The following SVIL variants were observed in gnomAD, a reference collection of about 807,000 sequenced individuals.
SVIL encodes archvillin.
A neutral mutation model predicts 240.4 loss-of-function variants in SVIL; 101 were observed. That is an observed-to-expected ratio of 0.42 (90% confidence interval 0.36 to 0.50). The LOEUF (loss-of-function observed/expected upper bound fraction) is 0.50. Ranked by LOEUF, SVIL falls within the 20% of genes least tolerant of loss-of-function variation. The pLI, the probability that SVIL is intolerant of heterozygous loss-of-function variation, is 0.01. For synonymous variants in SVIL, 999 were observed against 1,100.0 expected (o/e 0.91, Z 1.82); for missense variants, 2,512 against 2,818.7 (o/e 0.89, Z 2.46).
At chr10:29,546,691 C>T (rs1163175405) in intron 6 of SVIL, among the ~76,000 whole-genome samples, 2 of 152,158 alleles carry the variant, frequency 1.3e-5, no homozygotes, top group African/African-American at 4.8e-5. Flanking sequence ...GGAGATGGTG[C>T]TCACATTTGA....
At position 29,458,262 on chromosome 10, in the gene SVIL, T is replaced by G; in HGVS notation, c.6630A>C (p.Ala2210=). 6.2e-7 allele frequency: 1 copy of G among 1,614,264 alleles called. No individual in the cohort carries two copies. ...PAWKQVNLKK[A]KGLF Reference sequence around the variant, plus strand: ...GTCTCCCCACTCAGAACAGGCCTTTTGCTTTCTTCAGGTTCACCTGCTTCC... The same window carrying G: ...GTCTCCCCACTCAGAACAGGCCTTTGGCTTTCTTCAGGTTCACCTGCTTCC... The change falls in exon 38 of 38, where the codon GCA becomes GCC. Residue 2210 remains alanine, a synonymous_variant. Coordinates refer to ENST00000355867, the MANE Select transcript of SVIL (RefSeq NM_021738.3).
At chr10:29,527,750 G>A (rs539046507) in intron 12 of SVIL, among the ~76,000 whole-genome samples, 1 of 107,100 alleles carries the variant, frequency 9.3e-6, no homozygotes, top group South Asian at 3.2e-4. Context: ...TTTTTTGACA[G>A]AGTCTCACTC....
In SVIL at chr10:29,487,146, A is replaced by G. The variant is rs1262997374; in HGVS notation, c.4485+17T>C. The G allele has an allele frequency of 3.1e-6, 5 of 1,612,700 alleles. No individual in the cohort carries two copies. Among genetic ancestry groups the G allele is most frequent in the East Asian group, 2.2e-5 (1 of 44,822 alleles). On this transcript the variant is annotated intron_variant, in intron 24 of 37. Transcript: ENST00000355867. Reference sequence around the variant, plus strand: ...AGGAGATGTTAGCTAAAGCATTTTTATTTTTCAGGTACCAACCTTCGCCTT... The same window carrying G: ...AGGAGATGTTAGCTAAAGCATTTTTGTTTTTCAGGTACCAACCTTCGCCTT...
In SVIL at chr10:29,484,197, C is replaced by T. The variant is rs1217441805; in HGVS notation, c.4955+459G>A. Among the ~76,000 whole-genome samples, 3 of 152,166 alleles carry T rather than the reference C, an allele frequency of 2.0e-5. No homozygotes were observed. The highest frequency in any genetic ancestry group is 7.2e-5 in the African/African-American group (3 of 41,452). On this transcript the variant is annotated intron_variant, in intron 27 of 37. Transcript: ENST00000355867. This position sits in a 1 kb window ranked among gnomAD's most constrained non-coding sequence, Gnocchi z 4.7. ...TTCCCAAAAGATATAAAGACATAAA[C>T]ATCATCTGCTGCCAAATAAATCCTG...
intron 1 of SVIL, among the ~76,000 whole-genome samples, chr10:29,734,612 C>G (rs993194644): frequency 6.6e-6 from 1 of 152,106 alleles, no homozygotes; most frequent in Non-Finnish European, 1.5e-5. Context: ...AAAACCAGTG[C>G]CTGCCCTTTC....
intron 1 of SVIL, among the ~76,000 whole-genome samples, chr10:29,703,834 A>T (rs1752583): frequency 0.22 from 32,834 of 152,050 alleles, 3,879 homozygotes; most frequent in East Asian, 0.29. Context: ...CAGGGTCTAG[A>T]TCAGTCGCCC....
intron 2 of SVIL, among the ~76,000 whole-genome samples, chr10:29,568,016 C>CAA (rs796422925): frequency 3.6e-5 from 3 of 83,792 alleles, no homozygotes; most frequent in Non-Finnish European, 7.7e-5. Context: ...GACTCCGTCT[C>CAA]AAAAAAAAAA....
At chr10:29,678,187 A>G (rs188843190) in intron 2 of SVIL, among the ~76,000 whole-genome samples, 1 of 152,146 alleles carries the variant, frequency 6.6e-6, no homozygotes, top group East Asian at 1.9e-4. Flanking sequence ...TGTGCAATTT[A>G]TTATTATTAC....
At chr10:29,634,989 G>A (rs1260443441), upstream of SVIL, 1 of 152,112 alleles carries the variant, frequency 6.6e-6, no homozygotes, top group African/African-American at 2.4e-5. Flanking sequence ...CTTCACATGG[G>A]ACGGGCCTTT....
chr10:29,708,447 C>T (rs1389511345), intron 1 of SVIL, among the ~76,000 whole-genome samples: 1 of 151,058 alleles, frequency 6.6e-6, no homozygotes, highest in African/African-American at 2.4e-5. Context: ...ATGGTGAAAC[C>T]CTGTCTTTAC....
chr10:29,564,929 C>G (rs1362044514), intron 2 of SVIL, among the ~76,000 whole-genome samples: 1 of 152,100 alleles, frequency 6.6e-6, no homozygotes, highest in Non-Finnish European at 1.5e-5. Context: ...AGTGTAGAAA[C>G]CTAAAAAAAT....
upstream of SVIL, among the ~76,000 whole-genome samples, chr10:29,638,434 C>G (rs1368176037): frequency 6.6e-6 from 1 of 151,634 alleles, no homozygotes; most frequent in Non-Finnish European, 1.5e-5. Flanking sequence ...CCATTGCACT[C>G]CAGCCTGGGT....
chr10:29,597,118 A>G (rs1173436097), intron 1 of SVIL, among the ~76,000 whole-genome samples: 1 of 152,206 alleles, frequency 6.6e-6, no homozygotes, highest in Non-Finnish European at 1.5e-5. Context: ...GTTAACATTA[A>G]AAGTGTTAAC....
At chr10:29,580,000 C>T (rs1291492681) in intron 1 of SVIL, among the ~76,000 whole-genome samples, 1 of 152,038 alleles carries the variant, frequency 6.6e-6, no homozygotes, top group Non-Finnish European at 1.5e-5. Context: ...AGGATAGATA[C>T]ATCAAGCGTA....
chr10:29,552,349 G>A (rs1334848654), intron 5 of SVIL, among the ~76,000 whole-genome samples: 5 of 152,016 alleles, frequency 3.3e-5, no homozygotes, highest in Non-Finnish European at 5.9e-5. Flanking sequence ...CAGATCACGA[G>A]GTCAGGAGTT....
intron 35 of SVIL, 131 bp downstream of exon 35, chr10:29,463,361 C>T: frequency 7.8e-7 from 1 of 1,280,100 alleles, no homozygotes; most frequent in Non-Finnish European, 1.0e-6. Context: ...TTGGTTTCAT[C>T]ACCACCTGCC....
intron 6 of SVIL, among the ~76,000 whole-genome samples, chr10:29,542,313 AT>A (rs764815734): frequency 1.3e-5 from 2 of 152,200 alleles, no homozygotes; most frequent in Non-Finnish European, 2.9e-5. Context: ...AGTGAAGGAG[AT>A]ATGAAAATGA....
chr10:29,595,792 C>T (rs1331581036), intron 1 of SVIL, among the ~76,000 whole-genome samples: 2 of 152,128 alleles, frequency 1.3e-5, no homozygotes, highest in Admixed American at 6.5e-5. Context: ...TTGCCCTCTC[C>T]GTAGGACCCA....
chr10:29,591,307 T>G (rs1956380799), intron 1 of SVIL, among the ~76,000 whole-genome samples: 1 of 152,196 alleles, frequency 6.6e-6, no homozygotes, highest in African/African-American at 2.4e-5. Flanking sequence ...GGTCCAGAAC[T>G]TTCTACCCCA....
Sources: allele counts gnomAD v4.1 joint callset (sites outside exome capture counted in the v4.1 genomes callset), GRCh38; gene constraint gnomAD v4.1.1; non-coding constraint Gnocchi (gnomAD v3.1); transcripts MANE v1.5; gene names NCBI Gene and HGNC (gene_info 2026-07-23, HGNC 2026-07-21).